The following ANGPT1 variants were observed in gnomAD, a reference collection of about 807,000 sequenced individuals.
ANGPT1 encodes the protein angiopoietin 1.
In ANGPT1, 17 loss-of-function variants were observed where a neutral mutation model predicts 62.2. The observed-to-expected ratio is 0.27, with a 90% CI of 0.19 to 0.41. The LOEUF is 0.41. Among genes scored for constraint, ANGPT1 ranks in the 10% least tolerant of loss-of-function variants. ANGPT1 has a pLI of 1.00. For synonymous variants in ANGPT1, 199 were observed against 198.9 expected (o/e 1.00, Z 0.00); for missense variants, 478 against 594.9 (o/e 0.80, Z 2.04).
At chr8:107,252,551 G>A (rs1185771589) in intron 8 of ANGPT1, among the ~76,000 whole-genome samples, 1 of 152,130 alleles carries the variant, frequency 6.6e-6, no homozygotes, top group African/African-American at 2.4e-5. Flanking sequence ...ATTGGATACT[G>A]TGCAATGACT....
rs557393594 is a variant in ANGPT1, at chr8:107,379,774, T to C, written c.298-32677A>G. ...ATTTCAGAGCAGGTGCACTGAAGTA[T>C]GGCAAGAGGGAAGATGACAGTTATT... is the stretch of plus-strand genomic sequence containing the variant. On this transcript the variant is annotated intron_variant, in intron 1 of 8. Coordinates refer to ENST00000517746, the MANE Select transcript of ANGPT1 (RefSeq NM_001146.5). 2.0e-5 allele frequency among the ~76,000 whole-genome samples: 3 copies of C among 152,310 alleles called. No homozygotes were observed. In the South Asian group the frequency reaches 6.2e-4, roughly 32 times the overall value.
chr8:107,480,158 A>C (rs1365779978), intron 1 of ANGPT1, among the ~76,000 whole-genome samples: 1 of 152,170 alleles, frequency 6.6e-6, no homozygotes, highest in African/African-American at 2.4e-5. Context: ...TGACTGTTCC[A>C]GTCACTGCTA....
At chr8:107,393,426 T>C (rs1184808167) in intron 1 of ANGPT1, among the ~76,000 whole-genome samples, 1 of 152,210 alleles carries the variant, frequency 6.6e-6, no homozygotes, top group African/African-American at 2.4e-5. Flanking sequence ...CCTAAAAATG[T>C]GAGTTATATT....
intron 1 of ANGPT1, among the ~76,000 whole-genome samples, chr8:107,457,283 A>T (rs552772888): frequency 1.3e-5 from 2 of 152,242 alleles, no homozygotes; most frequent in African/African-American, 4.8e-5. Flanking sequence ...GAGCAAAATA[A>T]TTAGCACATA....
At chr8:107,309,953 ACTT>A (rs1476719864) in intron 4 of ANGPT1, among the ~76,000 whole-genome samples, 5 of 152,126 alleles carry the variant, frequency 3.3e-5, no homozygotes, top group Admixed American at 6.6e-5. Flanking sequence ...TAAAACAACT[ACTT>A]CTTTTCTCAA....
At chr8:107,289,594 A>G (rs941451714) in intron 6 of ANGPT1, among the ~76,000 whole-genome samples, 1 of 152,188 alleles carries the variant, frequency 6.6e-6, no homozygotes, top group African/African-American at 2.4e-5. Context: ...AGACTGAAAC[A>G]AATTTTGTAT....
Position 107,316,053 on chromosome 8 carries a change from T to G in ANGPT1, c.808+5843A>C, listed in dbSNP as rs569907494. Among the ~76,000 whole-genome samples the G allele has an allele frequency of 5.3e-5, 8 of 152,316 alleles. No homozygotes were observed. In the South Asian group the frequency reaches 1.7e-3, roughly 32 times the overall value. ...CAATCTATTTCATCTCCCATGTTGC[T>G]GGTTTTAAAGAATGTGATCTATGCT... is the stretch of plus-strand genomic sequence containing the variant. On this transcript the variant is annotated intron_variant, in intron 4 of 8. Transcript: ENST00000517746.
At chr8:107,263,104 A>T (rs1813531424) in intron 8 of ANGPT1, among the ~76,000 whole-genome samples, 1 of 145,270 alleles carries the variant, frequency 6.9e-6, no homozygotes, top group South Asian at 2.2e-4. Context: ...CTCTAATCCC[A>T]GCACTTTGGG....
At chr8:107,478,250 CA>C (rs546300255) in intron 1 of ANGPT1, among the ~76,000 whole-genome samples, 295 of 140,312 alleles carry the variant, frequency 2.1e-3, no homozygotes, top group Middle Eastern at 3.9e-3. Context: ...TATACCTATT[CA>C]AAAAAAAAAA....
intron 1 of ANGPT1, among the ~76,000 whole-genome samples, chr8:107,354,582 A>G (rs1281053145): frequency 6.6e-6 from 1 of 152,210 alleles, no homozygotes; most frequent in Non-Finnish European, 1.5e-5. Context: ...CTGAATGTAT[A>G]TATCTATAAA....
At chr8:107,424,717 T>G (rs1383105558) in intron 1 of ANGPT1, among the ~76,000 whole-genome samples, 1 of 152,216 alleles carries the variant, frequency 6.6e-6, no homozygotes, top group Middle Eastern at 3.2e-3. Flanking sequence ...TATGCATGAA[T>G]GTTATGATGA....
At chr8:107,397,480 AT>A (rs1816959874) in intron 1 of ANGPT1, among the ~76,000 whole-genome samples, 1 of 152,046 alleles carries the variant, frequency 6.6e-6, no homozygotes, top group African/African-American at 2.4e-5. Context: ...CCATCCTTAT[AT>A]AAGTCACAAG....
chr8:107,257,925 T>TC (rs1491252021), intron 8 of ANGPT1, among the ~76,000 whole-genome samples: 18 of 42,596 alleles, frequency 4.2e-4, no homozygotes, highest in Middle Eastern at 0.016. Context: ...CTGTTCTTTC[T>TC]TTCTCTCTCT....
At chr8:107,344,709 G>A (rs918976292) in intron 2 of ANGPT1, among the ~76,000 whole-genome samples, 6 of 152,146 alleles carry the variant, frequency 3.9e-5, no homozygotes, top group Non-Finnish European at 7.3e-5. Flanking sequence ...AATAAACTGA[G>A]GACCTGAAGT....
intron 4 of ANGPT1, among the ~76,000 whole-genome samples, chr8:107,306,057 A>C (rs1814707581): frequency 6.6e-6 from 1 of 152,060 alleles, no homozygotes; most frequent in Non-Finnish European, 1.5e-5. Flanking sequence ...TGAATTACCT[A>C]ACACAGTGCA....
At chr8:107,313,994 G>T (rs891530886) in intron 4 of ANGPT1, among the ~76,000 whole-genome samples, 1 of 152,054 alleles carries the variant, frequency 6.6e-6, no homozygotes, top group Non-Finnish European at 1.5e-5. Flanking sequence ...GTAATTATAG[G>T]TGTCATTTGG....
chr8:107,343,915 A>G (rs183329900), intron 2 of ANGPT1, among the ~76,000 whole-genome samples: 3 of 152,198 alleles, frequency 2.0e-5, no homozygotes, highest in African/African-American at 7.2e-5. Flanking sequence ...TAAGGAAGTT[A>G]GCTGAGCATG....
chr8:107,342,799 ACACACAC>A, intron 2 of ANGPT1, among the ~76,000 whole-genome samples: 1 of 129,538 alleles, frequency 7.7e-6, no homozygotes, highest in Non-Finnish European at 1.6e-5. Context: ...ACACACACAC[ACACACAC>A]ACACACACAC....
intron 6 of ANGPT1, among the ~76,000 whole-genome samples, chr8:107,289,412 G>A (rs1167417971): frequency 1.3e-5 from 2 of 152,068 alleles, no homozygotes; most frequent in East Asian, 1.9e-4. Flanking sequence ...TTTTATAGAT[G>A]AAGTAAAATT....
Sources: gnomAD v4.1 joint callset for allele counts (sites outside exome capture counted in the v4.1 genomes callset) on GRCh38, gnomAD v4.1.1 for gene constraint, MANE v1.5 for transcripts, NCBI Gene and HGNC (gene_info 2026-07-23, HGNC 2026-07-21) for gene names.